The following SCN2A variants were observed in gnomAD, a reference collection of about 807,000 sequenced individuals.
The protein encoded by SCN2A is sodium voltage-gated channel alpha subunit 2, also known as sodium channel protein type 2 subunit alpha.
Under a neutral mutation model 188.7 loss-of-function variants are expected in SCN2A, and 20 were observed. The observed-to-expected ratio is 0.11, with a 90% CI of 0.07 to 0.15. The LOEUF is 0.15. Among genes scored for constraint, SCN2A ranks in the 10% least tolerant of loss-of-function variants. The pLI is 1.00. For synonymous variants in SCN2A, 804 were observed against 833.1 expected, an observed-to-expected ratio of 0.97 and a Z score of 0.60; for missense variants, 1,278 against 2,445.0, an observed-to-expected ratio of 0.52 and a Z score of 10.07.
chr2:165,297,287 T>C (rs1696561433), intron 3 of SCN2A, 152 bp downstream of exon 3: 1 of 617,096 alleles, frequency 1.6e-6, no homozygotes, highest in African/African-American at 1.8e-5. Flanking sequence ...CAAAATGAGA[T>C]CACAGGTAAG....
rs1269103949 is a variant in SCN2A, at chr2:165,328,986, CTT to C, written c.2149+2024_2149+2025del. ...ATACTCAAGCAGACTTAAGATAGTC[CTT>C]TTTTTTTTTTTTTTTTTTTTTGGTT... On this transcript the variant is annotated intron_variant, in intron 13 of 26. Transcript: ENST00000375437. 8.4e-3 allele frequency among the ~76,000 whole-genome samples: 754 copies of C among 89,396 alleles called. 8 individuals carry two copies. Among genetic ancestry groups the C allele is most frequent in the Admixed American group, 0.042 (320 of 7,578 alleles). 58.6% of individuals were successfully genotyped at this position (89,396 alleles called of 152,430 possible).
intron 1 of SCN2A, 53 bp downstream of exon 1, chr2:165,239,693 A>G: frequency 1.2e-6 from 1 of 823,476 alleles, no homozygotes; most frequent in South Asian, 5.6e-5. Context: ...TATCTATGTT[A>G]AGAATGACAT....
At chr2:165,281,154 G>C (rs1053871184) in intron 1 of SCN2A, among the ~76,000 whole-genome samples, 2 of 152,140 alleles carry the variant, frequency 1.3e-5, no homozygotes, top group African/African-American at 4.8e-5. Context: ...CCAGGAGGTC[G>C]AGGCTGCAGT....
intron 19 of SCN2A, among the ~76,000 whole-genome samples, 168 bp from the exon 20 acceptor site, chr2:165,369,958 G>A (rs1048404794): frequency 6.6e-6 from 1 of 152,162 alleles, no homozygotes; most frequent in Admixed American, 6.5e-5. Flanking sequence ...TGCCCAGTCA[G>A]CAGTCATTTA....
At chr2:165,331,269 C>A in intron 13 of SCN2A, 61 bp from the exon 14 acceptor site, 3 of 1,282,308 alleles carry the variant, frequency 2.3e-6, no homozygotes, top group Non-Finnish European at 3.4e-6. Context: ...TTAATTTAAA[C>A]CAAATCTGCT....
At chr2:165,388,078 A>G (rs1701964664) in intron 26 of SCN2A, among the ~76,000 whole-genome samples, 1 of 152,182 alleles carries the variant, frequency 6.6e-6, no homozygotes, top group African/African-American at 2.4e-5. Flanking sequence ...GTAAATGTTC[A>G]GTTTGACCAC....
At chr2:165,364,032 C>A (rs1179772874) in intron 17 of SCN2A, among the ~76,000 whole-genome samples, 1 of 152,006 alleles carries the variant, frequency 6.6e-6, no homozygotes, top group Non-Finnish European at 1.5e-5. Context: ...TCCACATAAT[C>A]CTATGCCCAA....
chr2:165,308,113 A>G (rs1697237942), intron 4 of SCN2A, among the ~76,000 whole-genome samples, 176 bp downstream of exon 4: 1 of 152,124 alleles, frequency 6.6e-6, no homozygotes, highest in Admixed American at 6.6e-5. Context: ...TAGTGGGCTC[A>G]CTTAGTTGTG....
chr2:165,360,785 T>C (rs1386049686), intron 17 of SCN2A, among the ~76,000 whole-genome samples: 1 of 151,956 alleles, frequency 6.6e-6, no homozygotes, highest in East Asian at 1.9e-4. Flanking sequence ...CAAAGGGACA[T>C]ATATAGAACT....
intron 3 of SCN2A, among the ~76,000 whole-genome samples, chr2:165,300,980 A>T (rs899606896): frequency 6.6e-6 from 1 of 152,184 alleles, no homozygotes; most frequent in East Asian, 1.9e-4. Context: ...TGGTGGAAAC[A>T]ATGAGGATGG....
chr2:165,263,257 C>G (rs4667801), intron 1 of SCN2A, among the ~76,000 whole-genome samples: 55,954 of 151,930 alleles, frequency 0.37, 10,636 homozygotes, highest in African/African-American at 0.47. Flanking sequence ...TAAGTCTCAT[C>G]TATTTATTGT....
intron 21 of SCN2A, 92 bp downstream of exon 21, chr2:165,373,439 G>A (rs888685539): frequency 5.5e-6 from 8 of 1,444,782 alleles, no homozygotes; most frequent in South Asian, 1.2e-5. Flanking sequence ...TGGAGAATTT[G>A]TGTCTTACAC....
At chr2:165,338,402 T>C (rs1699123711) in intron 14 of SCN2A, among the ~76,000 whole-genome samples, 1 of 151,818 alleles carries the variant, frequency 6.6e-6, no homozygotes, top group South Asian at 2.1e-4. Flanking sequence ...TGGGACTACA[T>C]GCACCAGCCA....
intron 12 of SCN2A, among the ~76,000 whole-genome samples, chr2:165,324,527 A>C (rs1574594817): frequency 6.6e-6 from 1 of 152,324 alleles, no homozygotes; most frequent in East Asian, 1.9e-4. Flanking sequence ...GGTATCCTGC[A>C]GTCAGGTTGA....
chr2:165,323,605 A>T (rs1698182409), intron 12 of SCN2A, 105 bp downstream of exon 12: 5 of 1,088,864 alleles, frequency 4.6e-6, no homozygotes, highest in Non-Finnish European at 6.8e-6. Context: ...TTTGTTGCCC[A>T]AAGGCTGGGA....
At chr2:165,271,409 A>G (rs1357450512) in intron 1 of SCN2A, 2 of 152,162 alleles carry the variant, frequency 1.3e-5, no homozygotes, top group Non-Finnish European at 2.9e-5. Flanking sequence ...TACATAGGAG[A>G]TACTCGATGG....
intron 1 of SCN2A, chr2:165,269,301 A>T (rs1695006518): frequency 6.6e-6 from 1 of 151,986 alleles, no homozygotes; most frequent in South Asian, 2.1e-4. Flanking sequence ...GAACATAATA[A>T]AATATTGGAT....
intron 14 of SCN2A, among the ~76,000 whole-genome samples, chr2:165,340,894 C>T (rs953501560): frequency 1.3e-5 from 2 of 152,074 alleles, no homozygotes; most frequent in South Asian, 2.1e-4. Flanking sequence ...TTGGTGATGT[C>T]GGTCTTGTTG....
intron 1 of SCN2A, among the ~76,000 whole-genome samples, chr2:165,289,165 GTAT>G (rs1292831921): frequency 1.3e-5 from 2 of 151,884 alleles, no homozygotes; most frequent in Non-Finnish European, 2.9e-5. Flanking sequence ...TCTAGAGCAT[GTAT>G]TATTAATGTG....
Sources: gnomAD v4.1 joint callset for allele counts (sites outside exome capture counted in the v4.1 genomes callset) on GRCh38, gnomAD v4.1.1 for gene constraint, MANE v1.5 for transcripts, NCBI Gene and HGNC (gene_info 2026-07-23, HGNC 2026-07-21) for gene names.